AIG1: variants seen among roughly 807,000 people sequenced by gnomAD.
The protein encoded by AIG1 is androgen-induced gene 1 protein.
A neutral mutation model predicts 31.4 loss-of-function variants in AIG1; 23 were observed. The observed-to-expected ratio is 0.73, with a 90% CI of 0.53 to 1.04. The LOEUF (loss-of-function observed/expected upper bound fraction) is 1.04, where lower values mean the gene tolerates loss of function less well. Among genes scored for constraint, AIG1 ranks in the 50% least tolerant of loss-of-function variants. The pLI is 0.00. For synonymous variants in AIG1, 100 were observed against 110.5 expected, an observed-to-expected ratio of 0.90 and a Z score of 0.60; for missense variants, 274 against 295.0, an observed-to-expected ratio of 0.93 and a Z score of 0.52.
chr6:143,312,080 A>T (rs931852229), intron 4 of AIG1, among the ~76,000 whole-genome samples: 1 of 152,112 alleles, frequency 6.6e-6, no homozygotes, highest in African/African-American at 2.4e-5. Flanking sequence ...AAGCGGAAGG[A>T]TATTCCATGG....
downstream of AIG1, chr6:143,342,339 G>T (rs1777874894): frequency 4.5e-6 from 3 of 666,492 alleles, no homozygotes; most frequent in African/African-American, 1.8e-5. Flanking sequence ...GCTCACTGCG[G>T]TTCTAGCCCC....
At chr6:143,240,446 C>G (rs539074670) in intron 3 of AIG1, among the ~76,000 whole-genome samples, 1 of 152,212 alleles carries the variant, frequency 6.6e-6, no homozygotes, top group East Asian at 1.9e-4. Context: ...AAGATAATAG[C>G]TGGGATTTTC....
intron 3 of AIG1, among the ~76,000 whole-genome samples, chr6:143,197,409 GAGC>G (rs957196744): frequency 2.6e-5 from 4 of 152,110 alleles, no homozygotes; most frequent in Non-Finnish European, 5.9e-5. Flanking sequence ...TAGAGGTTTT[GAGC>G]AAGTTTTTCT....
intron 3 of AIG1, among the ~76,000 whole-genome samples, chr6:143,261,690 A>G (rs1795790283): frequency 6.6e-6 from 1 of 152,208 alleles, no homozygotes; most frequent in Admixed American, 6.5e-5. Flanking sequence ...AACTGAATCA[A>G]CACCAGCCTA....
rs1305646927 is a variant in AIG1 at position 143,335,003 on chromosome 6, T to C, written c.679+1558T>C. ...ATGATTTGTTTAATTTATGCCATTCTTTTAAGTAACATAAGATTGACTAAC... is the reference window on the plus strand; with the variant it reads ...ATGATTTGTTTAATTTATGCCATTCCTTTAAGTAACATAAGATTGACTAAC... On this transcript the variant is annotated intron_variant, in intron 5 of 5. Coordinates refer to ENST00000357847, the MANE Select transcript of AIG1 (RefSeq NM_016108.4). 1.3e-5 allele frequency: 15 copies of C among 1,111,768 alleles called. 1 individual carries two copies. Among genetic ancestry groups the C allele is most frequent in the East Asian group, 2.9e-5 (1 of 34,086 alleles). The allele number at this position is 1,111,768 out of a possible 1,614,324, so 68.9% of individuals were successfully genotyped here.
rs1170088502 is a variant in AIG1, at chr6:143,288,260, C to T, written c.515+4035C>T. ...ACTCAGACCCTAGGAAATGTACACCCTCAAAGCTTCAAGAATGGTCTCTCT... is the reference window on the plus strand; with the variant it reads ...ACTCAGACCCTAGGAAATGTACACCTTCAAAGCTTCAAGAATGGTCTCTCT... On this transcript the variant is annotated intron_variant, in intron 4 of 5. Transcript: ENST00000357847. The surrounding 1 kb of genome is among the most constrained non-coding windows in gnomAD (Gnocchi z 4.4). Among the ~76,000 whole-genome samples the T allele has an allele frequency of 6.6e-6, 1 of 152,108 alleles. No homozygotes were observed. Among genetic ancestry groups the T allele is most frequent in the Non-Finnish European group, 1.5e-5 (1 of 68,034 alleles).
At position 143,273,212 on chromosome 6, in the gene AIG1, G is replaced by C. The variant is rs538273995; in HGVS notation, c.400-10898G>C. 2.0e-5 allele frequency among the ~76,000 whole-genome samples: 3 copies of C among 152,332 alleles called. No homozygotes were observed. The South Asian group carries it at 6.2e-4, about 32-fold the overall frequency. On this transcript the variant is annotated intron_variant, in intron 3 of 5. Transcript: ENST00000357847. ...TTTAAAGCCATACTCTGACATTGCA[G>C]GATGCTGATATCTACGAATAAGTGG...
intron 1 of AIG1, among the ~76,000 whole-genome samples, chr6:143,104,142 C>T (rs367846486): frequency 2.0e-5 from 3 of 152,174 alleles, no homozygotes; most frequent in Non-Finnish European, 2.9e-5. Flanking sequence ...AGAAAGTCCC[C>T]TTTGTTGCCT....
intron 4 of AIG1, among the ~76,000 whole-genome samples, chr6:143,300,527 T>C (rs960028739): frequency 4.6e-5 from 7 of 152,162 alleles, no homozygotes; most frequent in Non-Finnish European, 1.0e-4. Flanking sequence ...TAACCCCTGA[T>C]AGACATCAGA....
At chr6:143,252,947 G>A (rs531480558) in intron 3 of AIG1, among the ~76,000 whole-genome samples, 8 of 152,276 alleles carry the variant, frequency 5.3e-5, no homozygotes, top group African/African-American at 1.9e-4. Flanking sequence ...TTTCTAGCTG[G>A]CTTTTGGCCA....
chr6:143,114,220 A>G (rs1382791999), intron 1 of AIG1, among the ~76,000 whole-genome samples: 1 of 152,228 alleles, frequency 6.6e-6, no homozygotes, highest in Non-Finnish European at 1.5e-5. Flanking sequence ...TTCAAAACAC[A>G]TATCTGTTTT....
At chr6:143,231,946 G>C (rs562916093) in intron 3 of AIG1, among the ~76,000 whole-genome samples, 1 of 152,312 alleles carries the variant, frequency 6.6e-6, no homozygotes, top group South Asian at 2.1e-4. Flanking sequence ...GAGACTGGTG[G>C]AAGATGAAAG....
intron 1 of AIG1, among the ~76,000 whole-genome samples, chr6:143,079,812 G>A (rs959162074): frequency 1.6e-5 from 2 of 122,672 alleles, no homozygotes; most frequent in Non-Finnish European, 3.2e-5. Context: ...GCAGTTGCAA[G>A]ATTTAATAGA....
chr6:143,158,657 C>T (rs1199025454), intron 2 of AIG1, among the ~76,000 whole-genome samples: 2 of 152,024 alleles, frequency 1.3e-5, no homozygotes, highest in Admixed American at 6.6e-5. Flanking sequence ...AGGTGAGGGA[C>T]GAGCTATCTC....
chr6:143,223,646 T>G (rs1211436059), intron 3 of AIG1, among the ~76,000 whole-genome samples: 1 of 152,216 alleles, frequency 6.6e-6, no homozygotes, highest in African/African-American at 2.4e-5. Flanking sequence ...GAAAATGCAC[T>G]GCAATTTGGT....
At chr6:143,139,347 G>A (rs910786523) in intron 2 of AIG1, among the ~76,000 whole-genome samples, 1 of 151,386 alleles carries the variant, frequency 6.6e-6, no homozygotes, top group African/African-American at 2.4e-5. Context: ...TTCATGGCGT[G>A]TGGGTGCAGC....
intron 3 of AIG1, among the ~76,000 whole-genome samples, chr6:143,173,844 A>C (rs974550062): frequency 6.6e-6 from 1 of 152,220 alleles, no homozygotes; most frequent in Admixed American, 6.5e-5. Context: ...GTACTGATGA[A>C]TAAAATGAAT....
intron 1 of AIG1, among the ~76,000 whole-genome samples, chr6:143,135,860 G>A (rs960622285): frequency 7.9e-5 from 12 of 152,134 alleles, no homozygotes; most frequent in African/African-American, 2.7e-4. Context: ...GATATCATCT[G>A]TAAACTATTT....
chr6:143,305,139 A>G (rs535803006), intron 4 of AIG1, among the ~76,000 whole-genome samples: 31 of 152,228 alleles, frequency 2.0e-4, no homozygotes, highest in African/African-American at 7.5e-4. Flanking sequence ...TAGTCTTGCT[A>G]GCAGTCTATC....
Sources: allele counts gnomAD v4.1 joint callset (sites outside exome capture counted in the v4.1 genomes callset), GRCh38; gene constraint gnomAD v4.1.1; non-coding constraint Gnocchi (gnomAD v3.1); transcripts MANE v1.5; gene names NCBI Gene and HGNC (gene_info 2026-07-23, HGNC 2026-07-21).